The following LUC7L variants were observed in gnomAD, a reference collection of about 807,000 sequenced individuals.
LUC7L encodes putative RNA-binding protein Luc7-like 1.
LUC7L carries 29 observed loss-of-function variants against 51.1 expected under a neutral mutation model. The ratio of observed to expected loss-of-function variants is 0.57; its 90% confidence interval spans 0.42 to 0.77. The LOEUF (loss-of-function observed/expected upper bound fraction) is 0.77. Among genes scored for constraint, LUC7L ranks in the 30% least tolerant of loss-of-function variants. LUC7L has a pLI of 0.00. For synonymous variants in LUC7L, 181 were observed against 180.7 expected (o/e 1.00, Z -0.01); for missense variants, 403 against 511.9 (o/e 0.79, Z 2.05).
chr16:227,951 G>T, intron 1 of LUC7L: 1 of 1,024,054 alleles, frequency 9.8e-7, no homozygotes, highest in Non-Finnish European at 1.2e-6. Context: ...AACTAGGTTA[G>T]TCAATACACA....
intron 3 of LUC7L, among the ~76,000 whole-genome samples, chr16:210,550 T>C (rs2049610205): frequency 6.6e-6 from 1 of 152,144 alleles, no homozygotes; most frequent in Non-Finnish European, 1.5e-5. Flanking sequence ...TCTGAGATGC[T>C]CCAGGTTCAC....
rs1271879961 is a variant in LUC7L at position 228,086 on chromosome 16, C to T, written c.62-750G>A. On this transcript the variant is annotated intron_variant, in intron 1 of 9. Transcript: ENST00000293872. Reference sequence around the variant, plus strand: ...TTGCCCACACCTGCAGTAAGGAAGTCGGGGGAATGATACATAAAAGTAAAG... The same window carrying T: ...TTGCCCACACCTGCAGTAAGGAAGTTGGGGGAATGATACATAAAAGTAAAG... 6.1e-6 allele frequency: 7 copies of T among 1,146,772 alleles called. No individual in the cohort carries two copies. The Admixed American group carries it at 1.6e-4, about 27-fold the overall frequency. 71.0% of individuals were successfully genotyped at this position (1,146,772 alleles called of 1,614,324 possible). A position where few individuals can be genotyped will look rare whatever the true frequency, so the allele number is the denominator to read the frequency against.
chr16:208,462 T>C, intron 3 of LUC7L: 1 of 418,158 alleles, frequency 2.4e-6, no homozygotes, highest in Non-Finnish European at 3.7e-6. Flanking sequence ...CTCAATAACA[T>C]TACAAAGAAA....
chr16:220,787 C>T (rs369044439), intron 2 of LUC7L, 40 bp from the exon 3 acceptor site: 11 of 1,369,446 alleles, frequency 8.0e-6, no homozygotes, highest in Admixed American at 1.8e-5. Flanking sequence ...TCAGTGCCTA[C>T]CTACTGTAGA....
At chr16:200,168 A>C (rs188948819) in intron 5 of LUC7L, among the ~76,000 whole-genome samples, 2 of 152,110 alleles carry the variant, frequency 1.3e-5, no homozygotes, top group Admixed American at 1.3e-4. Flanking sequence ...CACGCCTGTA[A>C]TCCCAGCACT....
At chr16:214,849 T>C (rs927163739) in intron 3 of LUC7L, among the ~76,000 whole-genome samples, 1 of 152,156 alleles carries the variant, frequency 6.6e-6, no homozygotes, top group South Asian at 2.1e-4. Flanking sequence ...ACTATAACCA[T>C]GTTTCCATGT....
intron 9 of LUC7L, 192 bp downstream of exon 9, chr16:189,776 C>G: frequency 7.1e-7 from 1 of 1,416,916 alleles, no homozygotes; most frequent in Non-Finnish European, 9.2e-7. Context: ...CAGCCCATCA[C>G]CTGGCGCCGT....
intron 3 of LUC7L, among the ~76,000 whole-genome samples, chr16:214,663 A>C (rs2049737018): frequency 6.6e-6 from 1 of 152,042 alleles, no homozygotes; most frequent in Non-Finnish European, 1.5e-5. Flanking sequence ...AGTAGCTGGG[A>C]CTATAGTTGC....
intron 2 of LUC7L, among the ~76,000 whole-genome samples, chr16:223,263 G>A (rs1027924497): frequency 7.9e-5 from 12 of 151,860 alleles, no homozygotes; most frequent in Non-Finnish European, 1.6e-4. Flanking sequence ...GAAGGAGAAT[G>A]GCATGAACCA....
intron 1 of LUC7L, chr16:228,841 G>A (rs2050192943): frequency 7.7e-7 from 1 of 1,294,080 alleles, no homozygotes; most frequent in Non-Finnish European, 1.0e-6. Context: ...GAACCAGAGC[G>A]GGCCAGGTTT....
At chr16:216,380 G>GTTTTTT (rs34292372) in intron 3 of LUC7L, among the ~76,000 whole-genome samples, 6 of 107,304 alleles carry the variant, frequency 5.6e-5, no homozygotes, top group African/African-American at 1.9e-4. Context: ...TCAAATAGTT[G>GTTTTTT]TTTTTTTTTT....
chr16:199,013 G>A, intron 6 of LUC7L, 49 bp downstream of exon 6: 1 of 1,503,648 alleles, frequency 6.7e-7, no homozygotes. Context: ...AAAGAAATGT[G>A]AAAACACCCC....
intron 6 of LUC7L, among the ~76,000 whole-genome samples, chr16:195,259 A>G (rs913790672): frequency 4.2e-5 from 6 of 143,076 alleles, no homozygotes; most frequent in Non-Finnish European, 9.2e-5. Flanking sequence ...CCTCCTACCT[A>G]AAAAAAAAAA....
At chr16:218,210 G>C (rs1423972131) in intron 3 of LUC7L, among the ~76,000 whole-genome samples, 3 of 151,484 alleles carry the variant, frequency 2.0e-5, no homozygotes, top group Non-Finnish European at 4.4e-5. Context: ...AAAAAAGGAA[G>C]AATTTACTGT....
chr16:204,386 G>C (rs1049787786), intron 5 of LUC7L, among the ~76,000 whole-genome samples: 2 of 152,118 alleles, frequency 1.3e-5, no homozygotes, highest in African/African-American at 4.8e-5. Context: ...CACGAGGTCA[G>C]ATTGAGACCA....
At chr16:206,455 G>C (rs981317915) in intron 4 of LUC7L, among the ~76,000 whole-genome samples, 1 of 152,100 alleles carries the variant, frequency 6.6e-6, no homozygotes, top group African/African-American at 2.4e-5. Flanking sequence ...AAATGCCTAG[G>C]TTTAAATGTA....
chr16:189,242 T>C lies in LUC7L; in HGVS notation c.1072A>G (p.Met358Val), dbSNP rs764958592. 1.9e-6 allele frequency: 3 copies of C among 1,614,042 alleles called. No homozygotes were observed. Among genetic ancestry groups the C allele is most frequent in the Non-Finnish European group, 2.5e-6 (3 of 1,179,988 alleles). Residue 358 changes from methionine (M) to valine (V), a missense_variant, in exon 10 of 10, where the codon ATG becomes GTG. Transcript: ENST00000293872. Reference sequence around the variant, plus strand: ...TTCTCTTCTGACCTCCGTGAAGCCATCTTCCCGTTGGAGCTCTCAAGCCTC... The same window carrying C: ...TTCTCTTCTGACCTCCGTGAAGCCACCTTCCCGTTGGAGCTCTCAAGCCTC... Reference protein sequence around the residue: ...DWRLESSNGKMASRRSEEKEA... With the variant: ...DWRLESSNGKVASRRSEEKEA...
chr16:216,973 G>T (rs2049820321), intron 3 of LUC7L, among the ~76,000 whole-genome samples: 1 of 152,084 alleles, frequency 6.6e-6, no homozygotes, highest in Non-Finnish European at 1.5e-5. Flanking sequence ...TGAGATTACA[G>T]GCGTGAGCCA....
At position 206,995 on chromosome 16, in the gene LUC7L, C is replaced by T. The variant is rs1055352648; in HGVS notation, c.367-848G>A. 4.0e-5 allele frequency among the ~76,000 whole-genome samples: 6 copies of T among 150,596 alleles called. No individual in the cohort carries two copies. In the East Asian group the frequency reaches 9.7e-4, roughly 24 times the overall value. On this transcript the variant is annotated intron_variant, in intron 4 of 9. Coordinates refer to ENST00000293872, the MANE Select transcript of LUC7L (RefSeq NM_201412.3). ...CGGGCAGATCACGAGGTCAAGAGATCGAGACCATCCTGGCTAACACAGTGA... is the reference window on the plus strand; with the variant it reads ...CGGGCAGATCACGAGGTCAAGAGATTGAGACCATCCTGGCTAACACAGTGA...
Sources: allele counts gnomAD v4.1 joint callset (sites outside exome capture counted in the v4.1 genomes callset), GRCh38; gene constraint gnomAD v4.1.1; transcripts MANE v1.5; gene names NCBI Gene and HGNC (gene_info 2026-07-23, HGNC 2026-07-21).